Variants in DPYSL2 observed in about 807,000 individuals in gnomAD.
DPYSL2 encodes dihydropyrimidinase like 2.
A neutral mutation model predicts 69.9 loss-of-function variants in DPYSL2; 13 were observed. That is an observed-to-expected ratio of 0.19 (90% confidence interval 0.12 to 0.30). DPYSL2 has a LOEUF of 0.30. DPYSL2 is among the 10% of genes least tolerant of loss of function. The pLI is 1.00. For missense variants in DPYSL2, 587 were observed against 918.9 expected (o/e 0.64, Z 4.67); for synonymous variants, 326 against 359.1 (o/e 0.91, Z 1.04).
Position 26,562,632 on chromosome 8 carries a change from T to A in DPYSL2, c.355-19337T>A, listed in dbSNP as rs1801091477. On this transcript the variant is annotated intron_variant, in intron 1 of 13. Transcript: ENST00000521913. The surrounding 1 kb of genome is among the most constrained non-coding windows in gnomAD (Gnocchi z 4.9). ...CCCACAGTCCTGTAGATGTGGTCCC[T>A]GCCTGCTGCTTTAACTTCGGTTGTA... 6.6e-6 allele frequency among the ~76,000 whole-genome samples: 1 copy of A among 152,230 alleles called. No individual in the cohort carries two copies. Among genetic ancestry groups the A allele is most frequent in the African/African-American group, 2.4e-5 (1 of 41,456 alleles).
rs1802652272 is a variant in DPYSL2, at chr8:26,627,724, T to C, written c.937-148T>C. The C allele has an allele frequency of 1.3e-6, 1 of 773,378 alleles. No individual in the cohort carries two copies. The highest frequency in any genetic ancestry group is 2.7e-5 in the East Asian group (1 of 37,238). The allele number at this position is 773,378 out of a possible 1,614,324, so 47.9% of individuals were successfully genotyped here. ...GACTGGGAACAGGGCAGTGAACCCT[T>C]CTCTTCATGAGGTCTTGGGATGAGG... On this transcript the variant is annotated intron_variant, in intron 6 of 13. Coordinates refer to ENST00000521913, the MANE Select transcript of DPYSL2 (RefSeq NM_001197293.3). This position sits in a 1 kb window ranked among gnomAD's most constrained non-coding sequence, Gnocchi z 6.9.
chr8:26,629,320 A>G (rs1342216629), intron 7 of DPYSL2, among the ~76,000 whole-genome samples: 1 of 151,840 alleles, frequency 6.6e-6, no homozygotes, highest in Non-Finnish European at 1.5e-5. Context: ...ACACACACAC[A>G]CATACACATA....
intron 3 of DPYSL2, among the ~76,000 whole-genome samples, chr8:26,584,515 T>C (rs1326815167): frequency 6.6e-6 from 1 of 152,018 alleles, no homozygotes; most frequent in Non-Finnish European, 1.5e-5. Context: ...TGGGCAGCCC[T>C]GTCTGGAGGG....
At chr8:26,613,621 C>T (rs539244476) in intron 3 of DPYSL2, among the ~76,000 whole-genome samples, 8 of 152,006 alleles carry the variant, frequency 5.3e-5, no homozygotes, top group African/African-American at 1.4e-4. Flanking sequence ...TGCTGACGGA[C>T]GGGAGGAAGG....
chr8:26,546,509 T>G (rs1221032026), intron 1 of DPYSL2, among the ~76,000 whole-genome samples: 1 of 152,154 alleles, frequency 6.6e-6, no homozygotes, highest in Non-Finnish European at 1.5e-5. Context: ...ACCTTTATAT[T>G]TATTGTGTGT....
At chr8:26,556,162 ATATACTATATATAG>A (rs1281447989) in intron 1 of DPYSL2, among the ~76,000 whole-genome samples, 24 of 25,530 alleles carry the variant, frequency 9.4e-4, no homozygotes, top group Non-Finnish European at 1.3e-3. Context: ...TATATATAGT[ATATACTATATATAG>A]TATATACTAT....
rs780047933 is a variant in DPYSL2 at position 26,627,691 on chromosome 8, T to C, written c.937-181T>C. 6.6e-6 allele frequency among the ~76,000 whole-genome samples: 1 copy of C among 152,150 alleles called. No individual in the cohort carries two copies. The highest frequency in any genetic ancestry group is 1.5e-5 in the Non-Finnish European group (1 of 68,024). ...GGAGGCTGTAATTGATCCATCCTGC[T>C]CAGGCGGGACTGGGAACAGGGCAGT... On this transcript the variant is annotated intron_variant, in intron 6 of 13. Transcript: ENST00000521913. This position sits in a 1 kb window ranked among gnomAD's most constrained non-coding sequence, Gnocchi z 6.9.
intron 2 of DPYSL2, 93 bp from the exon 3 acceptor site, chr8:26,583,706 G>A (rs1801536946): frequency 1.7e-6 from 2 of 1,184,676 alleles, no homozygotes; most frequent in Admixed American, 2.3e-5. Flanking sequence ...GCACAGAGCG[G>A]AGGATAGTTT....
In DPYSL2 at chr8:26,556,250, GTA is replaced by G. The variant is rs1442652721; in HGVS notation, c.355-25710_355-25709del. Among the ~76,000 whole-genome samples, 4 of 6,464 alleles carry G rather than the reference GTA, an allele frequency of 6.2e-4. 2 individuals carry two copies. The highest frequency in any genetic ancestry group is 7.2e-4 in the African/African-American group (2 of 2,762). 4.2% of individuals were successfully genotyped at this position (6,464 alleles called of 152,430 possible). On this transcript the variant is annotated intron_variant, in intron 1 of 13. Coordinates refer to ENST00000521913, the MANE Select transcript of DPYSL2 (RefSeq NM_001197293.3). ...ATATAGTATTTATATAATATATATA[GTA>G]TATATATACTATAGTATATATAGTA...
chr8:26,615,023 C>T (rs763152314), intron 3 of DPYSL2, among the ~76,000 whole-genome samples: 22 of 152,238 alleles, frequency 1.4e-4, no homozygotes, highest in Non-Finnish European at 3.2e-4. Flanking sequence ...ACGTGGTTGA[C>T]CACCATCCAG....
Position 26,647,569 on chromosome 8 carries a change from G to A in DPYSL2, c.1426-61G>A. Reference sequence around the variant, plus strand: ...TGTATCAATAGTTTGTTATTGAAAAGTAACTTTTTAACTCGTTTCTGCTGT... The same window carrying A: ...TGTATCAATAGTTTGTTATTGAAAAATAACTTTTTAACTCGTTTCTGCTGT... On this transcript the variant is annotated intron_variant, in intron 10 of 13. Coordinates refer to ENST00000521913, the MANE Select transcript of DPYSL2 (RefSeq NM_001197293.3). The surrounding 1 kb of genome is among the most constrained non-coding windows in gnomAD (Gnocchi z 5.1). The A allele has an allele frequency of 6.6e-7, 1 of 1,520,018 alleles. No individual in the cohort carries two copies. The highest frequency in any genetic ancestry group is 8.9e-7 in the Non-Finnish European group (1 of 1,129,186). The allele number at this position is 1,520,018 out of a possible 1,614,324, so 94.2% of individuals were successfully genotyped here.
At chr8:26,519,176 G>T (rs558848830) in intron 1 of DPYSL2, among the ~76,000 whole-genome samples, 2 of 152,326 alleles carry the variant, frequency 1.3e-5, no homozygotes, top group Admixed American at 1.3e-4. Flanking sequence ...GTAAAGACAG[G>T]CCACGTATTC....
intron 1 of DPYSL2, among the ~76,000 whole-genome samples, chr8:26,561,639 C>G (rs1801072716): frequency 6.6e-6 from 1 of 152,002 alleles, no homozygotes. Flanking sequence ...CACCATGGAC[C>G]AGTTTCATAG....
chr8:26,583,905 C>T lies in DPYSL2; in HGVS notation c.550C>T (p.Pro184Ser). 1 of 1,614,154 alleles carries T rather than the reference C, an allele frequency of 6.2e-7. No homozygotes were observed. Among genetic ancestry groups the T allele is most frequent in the Non-Finnish European group, 8.5e-7 (1 of 1,180,024 alleles). ...TGACGTCCACACTCGTTTCCAGATG[C>T]CTGATCAGGGAATGACGTCTGCTGA... ...GIDVHTRFQM[P>S]DQGMTSADDF... The change falls in exon 3 of 14, where the codon CCT (proline) becomes TCT (serine). Residue 184 changes from proline to serine, a missense_variant. Pro to Ser is a moderately conservative substitution (Grantham distance 74). Transcript: ENST00000521913.
At chr8:26,637,678 A>G (rs1382392870) in intron 8 of DPYSL2, 2 of 152,206 alleles carry the variant, frequency 1.3e-5, no homozygotes, top group African/African-American at 4.8e-5. Flanking sequence ...GTAAGGGAGT[A>G]TTAATTGTTT....
chr8:26,540,426 AG>A (rs1296912264), intron 1 of DPYSL2, among the ~76,000 whole-genome samples: 2 of 152,196 alleles, frequency 1.3e-5, no homozygotes, highest in African/African-American at 4.8e-5. Context: ...GAAGAGAGAA[AG>A]GGGTAGAAAG....
At chr8:26,645,403 A>G (rs377059610) in intron 10 of DPYSL2, among the ~76,000 whole-genome samples, 465 of 152,120 alleles carry the variant, frequency 3.1e-3, no homozygotes, top group African/African-American at 0.011. Context: ...CCTGTTTCAA[A>G]AAATAATAAT....
At chr8:26,561,145 C>G (rs10109760) in intron 1 of DPYSL2, among the ~76,000 whole-genome samples, 133,022 of 152,076 alleles carry the variant, frequency 0.87, 58,585 homozygotes, top group East Asian at 0.99. Flanking sequence ...TGATGCCCAT[C>G]GGATGTGGGA....
chr8:26,626,741 T>C lies in DPYSL2; in HGVS notation c.855+63T>C. 1 of 1,554,938 alleles carries C rather than the reference T, an allele frequency of 6.4e-7. No individual in the cohort carries two copies. Among genetic ancestry groups the C allele is most frequent in the Non-Finnish European group, 8.9e-7 (1 of 1,129,368 alleles). ...TTTGGTACCTTCAGGCTGTGGCCGT[T>C]TGGGAAAGCAGTCTCCGATGTATGC... is the stretch of plus-strand genomic sequence containing the variant. On this transcript the variant is annotated intron_variant, in intron 5 of 13. Transcript: ENST00000521913. The surrounding 1 kb of genome is among the most constrained non-coding windows in gnomAD (Gnocchi z 4.3).
Sources: allele counts gnomAD v4.1 joint callset (sites outside exome capture counted in the v4.1 genomes callset), GRCh38; gene constraint gnomAD v4.1.1; non-coding constraint Gnocchi (gnomAD v3.1); transcripts MANE v1.5; gene names NCBI Gene and HGNC (gene_info 2026-07-23, HGNC 2026-07-21).